The following SUPT3H variants were observed in gnomAD, a reference collection of about 807,000 sequenced individuals.
The protein encoded by SUPT3H is transcription initiation protein SPT3 homolog.
Under a neutral mutation model 44.3 loss-of-function variants are expected in SUPT3H, and 44 were observed. The observed-to-expected ratio is 0.99, with a 90% CI of 0.78 to 1.28. SUPT3H has a LOEUF of 1.28. Ranked by LOEUF, SUPT3H falls within the 50% of genes most tolerant of loss-of-function variation. The pLI is 0.00. For synonymous variants in SUPT3H, 124 were observed against 125.6 expected (o/e 0.99, Z 0.09); for missense variants, 380 against 387.1 (o/e 0.98, Z 0.15).
chr6:45,201,294 C>T (rs200382718), intron 2 of SUPT3H, among the ~76,000 whole-genome samples: 6 of 151,592 alleles, frequency 4.0e-5, no homozygotes, highest in Non-Finnish European at 8.9e-5. Flanking sequence ...CATACTGCAA[C>T]TTGCCAACTT....
intron 2 of SUPT3H, among the ~76,000 whole-genome samples, chr6:45,118,463 C>T (rs1363570692): frequency 6.6e-6 from 1 of 152,100 alleles, no homozygotes; most frequent in Non-Finnish European, 1.5e-5. Flanking sequence ...CTTTCAAACT[C>T]CTCTGTTTAT....
In SUPT3H at chr6:45,006,748, C is replaced by T. The variant is rs114064252; in HGVS notation, c.365-2956G>A. 7.3e-3 allele frequency among the ~76,000 whole-genome samples: 1,113 copies of T among 152,214 alleles called. 8 individuals are homozygous for T. Among genetic ancestry groups the T allele is most frequent in the Middle Eastern group, 0.014 (4 of 294 alleles). ...AATTTTTACTTCACCCCTTCTCCAT[C>T]TCTAAACTTTTGGCTTTCCGATGAA... On this transcript the variant is annotated intron_variant, in intron 5 of 10. Transcript: ENST00000371459.
chr6:44,976,415 G>A (rs568785053), intron 6 of SUPT3H, among the ~76,000 whole-genome samples: 2 of 151,646 alleles, frequency 1.3e-5, no homozygotes, highest in Non-Finnish European at 2.9e-5. Flanking sequence ...AGGCTGGAGT[G>A]CAGTGGCGCA....
At chr6:45,208,815 G>A (rs1763620428) in intron 2 of SUPT3H, among the ~76,000 whole-genome samples, 1 of 152,008 alleles carries the variant, frequency 6.6e-6, no homozygotes, top group Non-Finnish European at 1.5e-5. Context: ...CATAGCTGGA[G>A]AGGAGAAGTC....
At chr6:45,332,739 C>T (rs986365820) in intron 2 of SUPT3H, among the ~76,000 whole-genome samples, 2 of 151,566 alleles carry the variant, frequency 1.3e-5, no homozygotes, top group Non-Finnish European at 3.0e-5. Context: ...TAGACAAATG[C>T]CATCAACTCA....
chr6:44,844,699 GT>G (rs1327056923), intron 10 of SUPT3H, among the ~76,000 whole-genome samples: 1 of 152,116 alleles, frequency 6.6e-6, no homozygotes. Flanking sequence ...AAATTATAGG[GT>G]CAGAAAACAC....
intron 5 of SUPT3H, among the ~76,000 whole-genome samples, chr6:45,005,116 G>C (rs1203531337): frequency 6.6e-6 from 1 of 152,182 alleles, no homozygotes; most frequent in Non-Finnish European, 1.5e-5. Flanking sequence ...TTGTTTACCA[G>C]TGCATTAACC....
rs765413405 is a variant in SUPT3H, at chr6:44,932,693, C to T, written c.872G>A (p.Arg291Gln). 1.9e-6 allele frequency: 3 copies of T among 1,611,906 alleles called. No homozygotes were observed. The highest frequency in any genetic ancestry group is 2.2e-5 in the East Asian group (1 of 44,652). ...IQPCHIREAI[R>Q]RYSHRIGPLS... ...TGGGCCAATCCTGTGGCTGTAGCGTCGAATGGCCTCTCTGATGTGGCAGGG... is the reference window on the plus strand; with the variant it reads ...TGGGCCAATCCTGTGGCTGTAGCGTTGAATGGCCTCTCTGATGTGGCAGGG... The change falls in exon 10 of 11, where the codon CGA (arginine) becomes CAA (glutamine). Residue 291 changes from arginine (R) to glutamine (Q), a missense_variant. Transcript: ENST00000371459.
At chr6:44,957,670 C>A (rs1196357291) in intron 7 of SUPT3H, among the ~76,000 whole-genome samples, 2 of 152,054 alleles carry the variant, frequency 1.3e-5, no homozygotes, top group Non-Finnish European at 2.9e-5. Flanking sequence ...ATTGTAACCA[C>A]CGAGAATGCA....
chr6:44,821,450 T>C (rs1382433468), intron 11 of SUPT3H, among the ~76,000 whole-genome samples: 2 of 152,226 alleles, frequency 1.3e-5, no homozygotes, highest in Non-Finnish European at 2.9e-5. Context: ...TATTTTTAAC[T>C]ACTACTACCC....
At chr6:44,907,670 T>C (rs1766327069) in intron 10 of SUPT3H, among the ~76,000 whole-genome samples, 2 of 152,074 alleles carry the variant, frequency 1.3e-5, no homozygotes, top group African/African-American at 4.8e-5. Flanking sequence ...ACAGTGAGAC[T>C]CTGTCTCAAA....
At chr6:45,191,408 A>C (rs139162741) in intron 2 of SUPT3H, among the ~76,000 whole-genome samples, 1 of 152,238 alleles carries the variant, frequency 6.6e-6, no homozygotes, top group African/African-American at 2.4e-5. Context: ...CCAGAAATTC[A>C]GAGGGAAGGA....
At chr6:44,883,837 G>A (rs1778671021) in intron 10 of SUPT3H, among the ~76,000 whole-genome samples, 1 of 152,080 alleles carries the variant, frequency 6.6e-6, no homozygotes. Flanking sequence ...AATGAAACTG[G>A]ACCCCTTCCT....
chr6:44,888,466 C>T (rs371235058), intron 10 of SUPT3H, among the ~76,000 whole-genome samples: 1 of 152,044 alleles, frequency 6.6e-6, no homozygotes. Flanking sequence ...TCAACATACG[C>T]AAATCAATAA....
intron 3 of SUPT3H, among the ~76,000 whole-genome samples, chr6:45,061,637 A>G (rs947847883): frequency 4.6e-5 from 7 of 152,148 alleles, no homozygotes; most frequent in Admixed American, 6.5e-5. Context: ...GAAATTAGGG[A>G]TTGTTTATGC....
intron 3 of SUPT3H, among the ~76,000 whole-genome samples, chr6:45,090,777 G>C (rs75964542): frequency 6.6e-6 from 1 of 151,838 alleles, no homozygotes; most frequent in Non-Finnish European, 1.5e-5. Context: ...TTTATGATGG[G>C]AGTAAAAGTT....
chr6:44,870,446 A>T (rs1776186880), intron 10 of SUPT3H, among the ~76,000 whole-genome samples: 1 of 151,672 alleles, frequency 6.6e-6, no homozygotes, highest in African/African-American at 2.4e-5. Flanking sequence ...AAAATACAAA[A>T]ATTAGCCAGG....
At chr6:44,862,117 T>C (rs1326178680) in intron 10 of SUPT3H, among the ~76,000 whole-genome samples, 3 of 152,176 alleles carry the variant, frequency 2.0e-5, no homozygotes, top group South Asian at 2.1e-4. Context: ...TTTCTCACCA[T>C]GTACTTCATG....
chr6:45,288,213 C>A (rs1779630627), intron 2 of SUPT3H, among the ~76,000 whole-genome samples: 2 of 151,992 alleles, frequency 1.3e-5, no homozygotes, highest in Non-Finnish European at 2.9e-5. Context: ...TCCACCTCAA[C>A]CTCAAACATA....
Sources: allele counts gnomAD v4.1 joint callset (sites outside exome capture counted in the v4.1 genomes callset), GRCh38; gene constraint gnomAD v4.1.1; transcripts MANE v1.5; gene names NCBI Gene and HGNC (gene_info 2026-07-23, HGNC 2026-07-21).